The following CNPY2 variants were observed in gnomAD, a reference collection of about 807,000 sequenced individuals.
The protein encoded by CNPY2 is canopy FGF signaling regulator 2.
CNPY2 carries 19 observed loss-of-function variants against 25.5 expected under a neutral mutation model. That is an observed-to-expected ratio of 0.74 (90% CI 0.52 to 1.09). CNPY2 has a LOEUF of 1.09. Ranked by LOEUF, CNPY2 falls within the 50% of genes least tolerant of loss-of-function variation. The pLI is 0.00. For synonymous variants in CNPY2, 82 were observed against 85.0 expected, an observed-to-expected ratio of 0.96 and a Z score of 0.19; for missense variants, 214 against 233.6, an observed-to-expected ratio of 0.92 and a Z score of 0.55.
chr12:56,312,249 GAGACAGGCC>G (rs1873743964), intron 3 of CNPY2, among the ~76,000 whole-genome samples: 1 of 90,022 alleles, frequency 1.1e-5, no homozygotes, highest in Non-Finnish European at 2.0e-5. Flanking sequence ...TTTTTTTTTT[GAGACAGGCC>G]TCACTCCGTT....
chr12:56,314,608 G>C (rs1289346733), intron 3 of CNPY2: 7 of 1,375,732 alleles, frequency 5.1e-6, no homozygotes, highest in Admixed American at 6.0e-5. Context: ...ATGTGGAGAA[G>C]GGTGCTGATC....
At chr12:56,315,100 CT>C in intron 2 of CNPY2, 29 bp downstream of exon 2, 1 of 1,609,302 alleles carries the variant, frequency 6.2e-7, no homozygotes, top group Non-Finnish European at 8.5e-7. Flanking sequence ...GCTCTGCTTC[CT>C]CCACTTCTTT....
rs773890754 is a variant in CNPY2 at position 56,311,289 on chromosome 12, G to C, written c.330C>G (p.Gly110=). 1.3e-5 allele frequency: 21 copies of C among 1,614,026 alleles called. No individual in the cohort carries two copies. Among genetic ancestry groups the C allele is most frequent in the Non-Finnish European group, 2.5e-6 (3 of 1,180,022 alleles). The change falls in exon 4 of 6, where the codon GGC becomes GGG. Residue 110 remains glycine, a synonymous_variant. Coordinates refer to ENST00000273308, the MANE Select transcript of CNPY2 (RefSeq NM_014255.7). ...THRKNYVRVV[G]RNGESSELDL... ...CCAGTTCACTGGATTCTCCATTCCG[G>C]CCCACTACACGTACGTAGTTCTTGC...
At chr12:56,316,027 A>G (rs1038571869), upstream of CNPY2, 5 of 152,110 alleles carry the variant, frequency 3.3e-5, no homozygotes, top group African/African-American at 7.3e-5. Context: ...CCTAAGCGGG[A>G]CTCCAGCGTG....
At chr12:56,311,449 T>C in intron 3 of CNPY2, 35 bp from the exon 4 acceptor site, 1 of 1,576,786 alleles carries the variant, frequency 6.3e-7, no homozygotes, top group Non-Finnish European at 8.7e-7. Flanking sequence ...CACTCTCTTC[T>C]ACCTCTGTAC....
At chr12:56,314,785 T>G in intron 3 of CNPY2, 66 bp downstream of exon 3, 1 of 1,613,024 alleles carries the variant, frequency 6.2e-7, no homozygotes, top group Non-Finnish European at 8.5e-7. Flanking sequence ...AAGGTCCTTT[T>G]TAAGCAGTCG....
intron 2 of CNPY2, 49 bp from the exon 3 acceptor site, chr12:56,315,015 G>T (rs1258926655): frequency 6.2e-7 from 1 of 1,606,524 alleles, no homozygotes; most frequent in African/African-American, 1.3e-5. Flanking sequence ...AGGGGGTAGG[G>T]TGTGAGGAGA....
At chr12:56,314,989 G>C (rs946727184) in intron 2 of CNPY2, 23 bp from the exon 3 acceptor site, 1 of 1,613,800 alleles carries the variant, frequency 6.2e-7, no homozygotes, top group Middle Eastern at 1.7e-4. Context: ...GAGAGAATGA[G>C]AGCAGGGGAC....
Position 56,312,222 on chromosome 12 carries a change from C to CTTTTTTTTTTT in CNPY2, c.205-819_205-809dup, listed in dbSNP as rs56822059. 3.6e-3 allele frequency among the ~76,000 whole-genome samples: 490 copies of CTTTTTTTTTTT among 135,778 alleles called. 15 individuals are homozygous for CTTTTTTTTTTT. Among genetic ancestry groups the CTTTTTTTTTTT allele is most frequent in the Non-Finnish European group, 5.7e-3 (370 of 64,982 alleles). The allele number at this position is 135,778 out of a possible 152,430, so 89.1% of individuals were successfully genotyped here. On this transcript the variant is annotated intron_variant, in intron 3 of 5. Transcript: ENST00000273308. ...TTTACTTGATAGTTTCAAAGTACTT[C>CTTTTTTTTTTT]TTTTTTTTTTTTTTTTTTTTTTTTT...
rs1873914744 is a variant in CNPY2, at chr12:56,315,844, T to A, written c.-49A>T. The stretch of plus-strand genomic sequence containing the variant: ...ACCTCTGCTCCCAGGGCCGCCGCCG[T>A]GGCCCAAGCGCTGGAAGACCGCTGG... On this transcript the variant is annotated 5_prime_UTR_variant, in exon 1 of 6. Coordinates refer to ENST00000273308, the MANE Select transcript of CNPY2 (RefSeq NM_014255.7). The A allele has an allele frequency of 6.4e-6, 1 of 155,080 alleles. No individual in the cohort carries two copies. Among genetic ancestry groups the A allele is most frequent in the Non-Finnish European group, 1.4e-5 (1 of 70,330 alleles). The allele number at this position is 155,080 out of a possible 1,614,324, so 9.6% of individuals were successfully genotyped here. A position where few individuals can be genotyped will look rare whatever the true frequency, so the allele number is the denominator to read the frequency against.
In CNPY2 at chr12:56,311,440, ACT is replaced by A. The variant is rs777734322; in HGVS notation, c.205-28_205-27del. Reference sequence around the variant, plus strand: ...CTAGAAATGTCCTCAGCCTTGGGTCACTCTCTTCTACCTCTGTACATTAGTAA... The same window carrying A: ...CTAGAAATGTCCTCAGCCTTGGGTCACTCTTCTACCTCTGTACATTAGTAA... On this transcript the variant is annotated intron_variant, in intron 3 of 5. Transcript: ENST00000273308. 43 of 1,600,734 alleles carry A rather than the reference ACT, an allele frequency of 2.7e-5. No individual in the cohort carries two copies. The South Asian group carries it at 4.2e-4, about 16-fold the overall frequency.
intron 2 of CNPY2, 69 bp downstream of exon 2, chr12:56,315,061 C>T: frequency 6.3e-7 from 1 of 1,599,694 alleles, no homozygotes; most frequent in Non-Finnish European, 8.6e-7. Flanking sequence ...CATCCTTCTC[C>T]CAGGCCTTGG....
chr12:56,314,649 G>A (rs1873829830), intron 3 of CNPY2: 2 of 1,427,872 alleles, frequency 1.4e-6, no homozygotes, highest in Non-Finnish European at 9.1e-7. Context: ...AAATTCTACA[G>A]CAGAAACAAA....
chr12:56,314,441 A>G (rs562716450), intron 3 of CNPY2: 7 of 1,093,178 alleles, frequency 6.4e-6, no homozygotes, highest in African/African-American at 1.6e-5. Context: ...ACCTTTGTGT[A>G]CATGTGTGTT....
intron 1 of CNPY2, 24 bp from the exon 2 acceptor site, chr12:56,315,266 A>G (rs752335992): frequency 1.1e-5 from 16 of 1,466,148 alleles, no homozygotes; most frequent in Middle Eastern, 1.8e-4. Context: ...GGAATAAAAC[A>G]TAAGTGTGAG....
intron 2 of CNPY2, 35 bp from the exon 3 acceptor site, chr12:56,315,001 G>A: frequency 6.2e-7 from 1 of 1,610,090 alleles, no homozygotes; most frequent in South Asian, 1.1e-5. Context: ...GCAGGGGACA[G>A]GGTAGGGGGT....
chr12:56,312,585 T>C (rs1873753836), intron 3 of CNPY2: 1 of 152,890 alleles, frequency 6.5e-6, no homozygotes, highest in Non-Finnish European at 1.5e-5. Flanking sequence ...TTCTTTTTTT[T>C]TTTGAGATGG....
rs1873674165 is a variant in CNPY2, at chr12:56,310,058, CA to C, written c.*493del. On this transcript the variant is annotated 3_prime_UTR_variant, in exon 6 of 6. Transcript: ENST00000273308. ...GATGGGCAGGGAAGGAAGAATAATG[CA>C]TATCCGTTATTTCCTTCAAGACCAA... The C allele has an allele frequency of 1.4e-6, 1 of 693,210 alleles. No homozygotes were observed. Among genetic ancestry groups the C allele is most frequent in the Non-Finnish European group, 2.6e-6 (1 of 381,202 alleles). The allele number at this position is 693,210 out of a possible 1,614,324, so 42.9% of individuals were successfully genotyped here. A position where few individuals can be genotyped will look rare whatever the true frequency, so the allele number is the denominator to read the frequency against.
rs755207888 is a variant in CNPY2 at position 56,311,239 on chromosome 12, G to A, written c.380C>T (p.Ser127Leu). Residue 127 changes from serine to leucine, a missense_variant, in exon 4 of 6, where the codon TCA (serine) becomes TTA (leucine). By Grantham distance (145) the Ser-to-Leu change is moderately radical. Transcript: ENST00000273308. ...AAACTTGAGGGTGCCGCTAATATCT[G>A]AGTCGATTCGGATGCCTTGTAGGTC... is the stretch of plus-strand genomic sequence containing the variant. ...ELDLQGIRID[S>L]DISGTLKFAC... 1.9e-6 allele frequency: 3 copies of A among 1,614,118 alleles called. No individual in the cohort carries two copies. The highest frequency in any genetic ancestry group is 4.5e-5 in the East Asian group (2 of 44,882).
Sources: gnomAD v4.1 joint callset for allele counts (sites outside exome capture counted in the v4.1 genomes callset) on GRCh38, gnomAD v4.1.1 for gene constraint, MANE v1.5 for transcripts, NCBI Gene and HGNC (gene_info 2026-07-23, HGNC 2026-07-21) for gene names.